Variants in PBX3 observed in about 807,000 individuals in gnomAD.
The protein encoded by PBX3 is PBX homeobox 3.
A neutral mutation model predicts 48.5 loss-of-function variants in PBX3; 14 were observed. The ratio of observed to expected loss-of-function variants is 0.29; its 90% confidence interval spans 0.19 to 0.45. The LOEUF is 0.45. Ranked by LOEUF, PBX3 falls within the 20% of genes least tolerant of loss-of-function variation. The pLI is 1.00. For missense variants in PBX3, 386 were observed against 546.7 expected (o/e 0.71, Z 2.93); for synonymous variants, 210 against 200.3 (o/e 1.05, Z -0.41).
intron 2 of PBX3, among the ~76,000 whole-genome samples, chr9:125,835,276 A>G (rs938919756): frequency 6.6e-6 from 1 of 152,064 alleles, no homozygotes; most frequent in Non-Finnish European, 1.5e-5. Flanking sequence ...TCCTTGTTTG[A>G]TGTAGGAGGA....
At chr9:125,810,903 G>T (rs998007604) in intron 2 of PBX3, among the ~76,000 whole-genome samples, 1 of 152,160 alleles carries the variant, frequency 6.6e-6, no homozygotes, top group South Asian at 2.1e-4. Flanking sequence ...CCCAAGATGC[G>T]AGGTGTGGTA....
At chr9:125,748,231 G>T (rs922036098) in intron 1 of PBX3, 49 of 1,028,134 alleles carry the variant, frequency 4.8e-5, no homozygotes, top group Non-Finnish European at 5.5e-5. Context: ...GAGCCCCTCC[G>T]CACCCGTCCC....
intron 2 of PBX3, among the ~76,000 whole-genome samples, chr9:125,787,631 C>T (rs997237420): frequency 6.6e-6 from 1 of 151,920 alleles, no homozygotes; most frequent in African/African-American, 2.4e-5. Flanking sequence ...GGGTCTGTTG[C>T]AAGAATAGTT....
intron 2 of PBX3, among the ~76,000 whole-genome samples, chr9:125,889,664 G>T (rs1840587416): frequency 6.6e-6 from 1 of 151,922 alleles, no homozygotes; most frequent in African/African-American, 2.4e-5. Flanking sequence ...CAAAGAGCCC[G>T]CACATGACAC....
chr9:125,797,955 TAG>T (rs1217261140), intron 2 of PBX3, among the ~76,000 whole-genome samples: 3 of 152,284 alleles, frequency 2.0e-5, no homozygotes, highest in Non-Finnish European at 4.4e-5. Flanking sequence ...TTATTTATCA[TAG>T]ACTGTGAGAG....
chr9:125,830,028 C>T (rs554204073), intron 2 of PBX3, among the ~76,000 whole-genome samples: 168 of 152,230 alleles, frequency 1.1e-3, no homozygotes, highest in Non-Finnish European at 1.9e-3. Context: ...CAGTGTCTCG[C>T]GTCACTGTCT....
intron 2 of PBX3, among the ~76,000 whole-genome samples, chr9:125,853,542 T>TG (rs781290342): frequency 3.3e-5 from 5 of 152,202 alleles, no homozygotes; most frequent in Non-Finnish European, 7.3e-5. Flanking sequence ...TGACCCGGGA[T>TG]GCCACAAATG....
chr9:125,873,759 G>A (rs1332605359), intron 2 of PBX3, among the ~76,000 whole-genome samples: 1 of 151,910 alleles, frequency 6.6e-6, no homozygotes. Context: ...AAGTTAATTA[G>A]CTAAAATCCA....
rs1356889008 is a variant in PBX3 at position 125,845,365 on chromosome 9, G to A, written c.275-70321G>A. Among the ~76,000 whole-genome samples, 8 of 152,016 alleles carry A rather than the reference G, an allele frequency of 5.3e-5. No homozygotes were observed. In the East Asian group the frequency reaches 1.3e-3, roughly 26 times the overall value. On this transcript the variant is annotated intron_variant, in intron 2 of 8. Transcript: ENST00000373489. ...ATACATTACGCTTTGAAAAAATTAC[G>A]CTAAAACAAAAAATATGACCTTTAA...
intron 2 of PBX3, among the ~76,000 whole-genome samples, chr9:125,817,755 G>A (rs1374003117): frequency 2.6e-5 from 4 of 151,856 alleles, no homozygotes; most frequent in Middle Eastern, 3.2e-3. Context: ...CCTACAAATC[G>A]AAAAAATACC....
At chr9:125,799,055 G>T (rs1426878352) in intron 2 of PBX3, among the ~76,000 whole-genome samples, 1 of 152,048 alleles carries the variant, frequency 6.6e-6, no homozygotes, top group Non-Finnish European at 1.5e-5. Context: ...TGTTTTTGGG[G>T]TTGTCTGTTG....
chr9:125,751,171 T>C (rs1016376518), intron 2 of PBX3, among the ~76,000 whole-genome samples: 2 of 152,266 alleles, frequency 1.3e-5, no homozygotes, highest in African/African-American at 4.8e-5. Flanking sequence ...AGAGAAAGTT[T>C]ACCTAGTCAT....
chr9:125,929,580 T>C (rs910949711), intron 3 of PBX3, 75 bp from the exon 4 acceptor site: 2 of 1,052,356 alleles, frequency 1.9e-6, no homozygotes, highest in African/African-American at 3.2e-5. Flanking sequence ...AAATGAGGTG[T>C]AAATTCAGAT....
chr9:125,747,384 T>TCGCCGC lies in PBX3; in HGVS notation c.-53_-48dup, dbSNP rs756293477. 1,050 of 600,230 alleles carry TCGCCGC rather than the reference T, an allele frequency of 1.7e-3. 3 individuals carry two copies. The highest frequency in any genetic ancestry group is 1.8e-3 in the Non-Finnish European group (827 of 454,256). 37.2% of individuals were successfully genotyped at this position (600,230 alleles called of 1,614,324 possible). On this transcript the variant is annotated 5_prime_UTR_variant, in exon 1 of 9. Transcript: ENST00000373489. ...TCCCCCTCTTTCTTCTCCTCCCTCGTCGCCGCCGCCGCCGCCGCCGCCTCA... is the reference window on the plus strand; with the variant it reads ...TCCCCCTCTTTCTTCTCCTCCCTCGTCGCCGCCGCCGCCGCCGCCGCCGCCGCCTCA...
rs566946653 is a variant in PBX3 at position 125,945,291 on chromosome 9, T to C, written c.843+9684T>C. 9.9e-5 allele frequency among the ~76,000 whole-genome samples: 15 copies of C among 152,166 alleles called. No homozygotes were observed. The South Asian group carries it at 2.9e-3, about 29-fold the overall frequency. ...GGGAGTTTCAGTAAGATAAAGCACG[T>C]GTAAAGCACCTAGCAGAGTGCCTAT... On this transcript the variant is annotated intron_variant, in intron 5 of 8. Transcript: ENST00000373489.
chr9:125,794,700 GTT>G (rs367765267), intron 2 of PBX3, among the ~76,000 whole-genome samples: 1 of 143,266 alleles, frequency 7.0e-6, no homozygotes. Flanking sequence ...ACTCATGGCT[GTT>G]TTTTTTTTTT....
intron 2 of PBX3, among the ~76,000 whole-genome samples, chr9:125,841,884 A>T (rs140434464): frequency 6.6e-6 from 1 of 152,246 alleles, no homozygotes; most frequent in African/African-American, 2.4e-5. Context: ...ATGTGTAGAG[A>T]TAGTTTGACC....
intron 3 of PBX3, among the ~76,000 whole-genome samples, chr9:125,923,867 A>G (rs1841510548): frequency 6.6e-6 from 1 of 150,904 alleles, no homozygotes; most frequent in Non-Finnish European, 1.5e-5. Context: ...CACCCAGCCT[A>G]TTTTGTTTTA....
chr9:125,748,811 G>C (rs1471987029), intron 2 of PBX3, 188 bp downstream of exon 2: 6 of 492,260 alleles, frequency 1.2e-5, no homozygotes, highest in African/African-American at 9.6e-5. Context: ...TTCTGCTCCT[G>C]GTGTAAAATG....
Sources: allele counts gnomAD v4.1 joint callset (sites outside exome capture counted in the v4.1 genomes callset), GRCh38; gene constraint gnomAD v4.1.1; transcripts MANE v1.5; gene names NCBI Gene and HGNC (gene_info 2026-07-23, HGNC 2026-07-21).